Variants in DLG2 observed in about 807,000 individuals in gnomAD.
The protein encoded by DLG2 is discs large MAGUK scaffold protein 2, also known as disks large homolog 2.
In DLG2, 45 loss-of-function variants were observed where a neutral mutation model predicts 132.5. That is an observed-to-expected ratio of 0.34 (90% CI 0.27 to 0.44). The LOEUF is 0.44. Among genes scored for constraint, DLG2 ranks in the 20% least tolerant of loss-of-function variants. The pLI is 1.00. For synonymous variants in DLG2, 424 were observed against 419.6 expected (o/e 1.01, Z -0.13); for missense variants, 1,045 against 1,196.9 (o/e 0.87, Z 1.87).
chr11:85,567,038 T>A (rs2077568314), intron 3 of DLG2, among the ~76,000 whole-genome samples: 1 of 152,222 alleles, frequency 6.6e-6, no homozygotes, highest in Non-Finnish European at 1.5e-5. Context: ...TATGTGTCTA[T>A]CTTTATGCTA....
chr11:83,495,264 G>T (rs1333454444), intron 21 of DLG2, among the ~76,000 whole-genome samples: 1 of 152,086 alleles, frequency 6.6e-6, no homozygotes, highest in Non-Finnish European at 1.5e-5. Context: ...ATAGGGAGAG[G>T]TATTCTCCAA....
At chr11:84,220,735 T>G (rs534548414) in intron 8 of DLG2, among the ~76,000 whole-genome samples, 2 of 151,376 alleles carry the variant, frequency 1.3e-5, no homozygotes, top group African/African-American at 4.8e-5. Context: ...TAAGAATTTA[T>G]AAGAGCTTAA....
At chr11:85,564,698 C>G (rs552290753) in intron 3 of DLG2, among the ~76,000 whole-genome samples, 1 of 151,880 alleles carries the variant, frequency 6.6e-6, no homozygotes. Context: ...TGTCCAACTT[C>G]TCCTTCTTTT....
intron 10 of DLG2, among the ~76,000 whole-genome samples, chr11:84,089,706 G>A (rs900085099): frequency 1.1e-4 from 17 of 152,290 alleles, no homozygotes; most frequent in African/African-American, 3.9e-4. Context: ...AATAAATGAA[G>A]CAATGGATTT....
intron 6 of DLG2, among the ~76,000 whole-genome samples, chr11:84,576,040 CCTTT>C (rs1161453233): frequency 6.6e-6 from 1 of 152,156 alleles, no homozygotes; most frequent in African/African-American, 2.4e-5. Flanking sequence ...GGCTCACTCG[CCTTT>C]CTTTAAGTCT....
At chr11:84,741,647 C>T (rs188084684) in intron 6 of DLG2, among the ~76,000 whole-genome samples, 7 of 152,062 alleles carry the variant, frequency 4.6e-5, no homozygotes, top group Non-Finnish European at 7.4e-5. Context: ...TGAACCAACA[C>T]CTCGTCTAAA....
chr11:85,549,882 C>T (rs1445615187), intron 3 of DLG2, among the ~76,000 whole-genome samples: 26 of 152,150 alleles, frequency 1.7e-4, no homozygotes, highest in Admixed American at 1.4e-3. Context: ...TTACCCTATA[C>T]AGTCTAAAAA....
chr11:85,430,848 CAAA>C (rs34643624), intron 3 of DLG2, among the ~76,000 whole-genome samples: 127 of 131,060 alleles, frequency 9.7e-4, no homozygotes, highest in African/African-American at 3.4e-3. Context: ...GCTAGCCAGT[CAAA>C]AAAAAAAAAA....
chr11:83,722,704 C>CGT (rs1339699091), intron 18 of DLG2, among the ~76,000 whole-genome samples: 1 of 152,118 alleles, frequency 6.6e-6, no homozygotes, highest in Non-Finnish European at 1.5e-5. Flanking sequence ...GAAATGCTAA[C>CGT]AAGTGCCACC....
chr11:84,342,957 G>A (rs1157618996), intron 7 of DLG2, among the ~76,000 whole-genome samples: 1 of 152,116 alleles, frequency 6.6e-6, no homozygotes, highest in Non-Finnish European at 1.5e-5. Flanking sequence ...AATACATGCA[G>A]CGTCCCAGGC....
chr11:85,196,283 T>C, intron 4 of DLG2, among the ~76,000 whole-genome samples: 1 of 152,214 alleles, frequency 6.6e-6, no homozygotes, highest in Non-Finnish European at 1.5e-5. Flanking sequence ...CAATTGGATG[T>C]GAATAGTTTA....
chr11:85,431,240 A>C (rs1190336558), intron 3 of DLG2, among the ~76,000 whole-genome samples: 5 of 152,172 alleles, frequency 3.3e-5, no homozygotes. Flanking sequence ...GGACTGACTA[A>C]TGACAGCTAG....
chr11:84,930,010 A>G (rs1477540893), intron 6 of DLG2, among the ~76,000 whole-genome samples: 6 of 152,146 alleles, frequency 3.9e-5, no homozygotes, highest in Non-Finnish European at 8.8e-5. Flanking sequence ...AAGTCTAAGA[A>G]TGAGTGCCTC....
chr11:85,244,530 G>T (rs563485478), intron 4 of DLG2, among the ~76,000 whole-genome samples: 1 of 152,064 alleles, frequency 6.6e-6, no homozygotes, highest in East Asian at 1.9e-4. Context: ...ACCATAATGG[G>T]ATGGTGTAAT....
intron 6 of DLG2, among the ~76,000 whole-genome samples, chr11:84,807,911 A>T (rs1802590645): frequency 6.6e-6 from 1 of 152,178 alleles, no homozygotes; most frequent in Non-Finnish European, 1.5e-5. Context: ...TGGAGACTTC[A>T]ACACTCCTTT....
intron 6 of DLG2, chr11:85,021,787 T>G: frequency 1.9e-6 from 1 of 522,096 alleles, no homozygotes; most frequent in Middle Eastern, 3.5e-4. Flanking sequence ...AGAACCTGAC[T>G]GCTGCTCGAG....
At chr11:83,475,625 T>G (rs1018901206) in intron 22 of DLG2, among the ~76,000 whole-genome samples, 15 of 151,554 alleles carry the variant, frequency 9.9e-5, no homozygotes, top group Non-Finnish European at 1.6e-4. Context: ...AAGAGAGAGA[T>G]AGGGGCTGAA....
intron 16 of DLG2, among the ~76,000 whole-genome samples, chr11:83,849,777 A>G (rs2059322157): frequency 6.7e-6 from 1 of 150,162 alleles, no homozygotes. Flanking sequence ...AAAAAAAAGC[A>G]TAAAATATTA....
At chr11:85,037,657 T>C (rs1261253306) in intron 6 of DLG2, among the ~76,000 whole-genome samples, 2 of 152,136 alleles carry the variant, frequency 1.3e-5, no homozygotes, top group East Asian at 3.9e-4. Context: ...AGTTAAAATG[T>C]GGTGGGTTTT....
Sources: allele counts gnomAD v4.1 joint callset (sites outside exome capture counted in the v4.1 genomes callset), GRCh38; gene constraint gnomAD v4.1.1; transcripts MANE v1.5; gene names NCBI Gene and HGNC (gene_info 2026-07-23, HGNC 2026-07-21).